Variants in MIR2052HG observed in about 807,000 individuals in gnomAD.
MIR2052HG encodes the protein MIR2052 host gene.
In MIR2052HG at chr8:74,665,138, C is replaced by G. The variant is rs573151819; in HGVS notation, n.217-37241C>G. Reference sequence around the variant, plus strand: ...TGCTTGCTTTCAATCTCTACACTTACCATCTTCTCCAGAACACCGCCATAT... The same window carrying G: ...TGCTTGCTTTCAATCTCTACACTTAGCATCTTCTCCAGAACACCGCCATAT... On this transcript the variant is annotated intron_variant and non_coding_transcript_variant, in intron 2 of 6. Transcript: ENST00000523442. Among the ~76,000 whole-genome samples, 7 of 152,278 alleles carry G rather than the reference C, an allele frequency of 4.6e-5. No individual in the cohort carries two copies. The South Asian group carries it at 1.2e-3, about 27-fold the overall frequency.
intron 1 of MIR2052HG, chr8:74,603,607 T>G: frequency 6.6e-7 from 1 of 1,522,128 alleles, no homozygotes; most frequent in Non-Finnish European, 9.1e-7. Flanking sequence ...CATTGCCAAC[T>G]GGTGCAGCAT....
In MIR2052HG at chr8:74,750,916, G is replaced by A. The variant is rs62521645; in HGVS notation, n.372-1525G>A. On this transcript the variant is annotated intron_variant and non_coding_transcript_variant, in intron 4 of 6. Transcript: ENST00000523442. ...CACTATATTTACTATCTCTATAGAGGGGATGAAGGACAGATAATTTTTCTG... is the reference window on the plus strand; with the variant it reads ...CACTATATTTACTATCTCTATAGAGAGGATGAAGGACAGATAATTTTTCTG... 3.1e-3 allele frequency among the ~76,000 whole-genome samples: 476 copies of A among 152,184 alleles called. 1 individual carries two copies. The highest frequency in any genetic ancestry group is 4.6e-3 in the Non-Finnish European group (315 of 68,004).
intron 2 of MIR2052HG, among the ~76,000 whole-genome samples, chr8:74,654,485 G>T (rs1808783740): frequency 6.6e-6 from 1 of 152,230 alleles, no homozygotes; most frequent in Non-Finnish European, 1.5e-5. Context: ...TGAGGTAATT[G>T]GATCATGGGG....
chr8:74,676,555 G>C (rs1374121210), intron 2 of MIR2052HG, among the ~76,000 whole-genome samples: 3 of 151,548 alleles, frequency 2.0e-5, no homozygotes, highest in Non-Finnish European at 3.0e-5. Flanking sequence ...AAATACAAGA[G>C]AGAAGAAAAA....
chr8:74,700,078 G>T (rs920240671), intron 2 of MIR2052HG, among the ~76,000 whole-genome samples: 2 of 152,094 alleles, frequency 1.3e-5, no homozygotes, highest in African/African-American at 4.8e-5. Flanking sequence ...TTACCAATGA[G>T]AGAACCGAAG....
At chr8:74,649,601 T>G (rs2128736003) in intron 2 of MIR2052HG, among the ~76,000 whole-genome samples, 1 of 152,282 alleles carries the variant, frequency 6.6e-6, no homozygotes, top group East Asian at 1.9e-4. Flanking sequence ...TACTTTAATT[T>G]TATGCATTTG....
intron 1 of MIR2052HG, among the ~76,000 whole-genome samples, chr8:74,604,755 G>A (rs1451951290): frequency 6.6e-6 from 1 of 151,470 alleles, no homozygotes; most frequent in Non-Finnish European, 1.5e-5. Flanking sequence ...CACCATGCCT[G>A]GCTAATTTTT....
At chr8:74,671,810 A>G (rs572113879) in intron 2 of MIR2052HG, among the ~76,000 whole-genome samples, 9 of 152,242 alleles carry the variant, frequency 5.9e-5, no homozygotes, top group African/African-American at 1.9e-4. Flanking sequence ...ACTAAGGTTG[A>G]ATTTTATCAT....
At chr8:74,726,487 A>G (rs981684183) in intron 4 of MIR2052HG, among the ~76,000 whole-genome samples, 1 of 152,210 alleles carries the variant, frequency 6.6e-6, no homozygotes, top group Non-Finnish European at 1.5e-5. Flanking sequence ...TCTCCTTTCC[A>G]AGAGAGGTCT....
chr8:74,756,482 C>T (rs1810001250), intron 5 of MIR2052HG: 1 of 152,338 alleles, frequency 6.6e-6, no homozygotes, highest in South Asian at 2.1e-4. Flanking sequence ...CTTTATGATA[C>T]CACAGCCCTC....
rs189883620 is a variant in MIR2052HG, at chr8:74,749,668, G to A, written n.372-2773G>A. 5.2e-3 allele frequency among the ~76,000 whole-genome samples: 793 copies of A among 152,064 alleles called. 4 individuals carry two copies. The highest frequency in any genetic ancestry group is 0.016 in the African/African-American group (650 of 41,452). On this transcript the variant is annotated intron_variant and non_coding_transcript_variant, in intron 4 of 6. Coordinates refer to ENST00000523442, the Ensembl canonical transcript of MIR2052HG. Reference sequence around the variant, plus strand: ...GCACGAGACCAGCCTGACCAACATGGTGAAACCCTGCCTCCACTAAAAATA... The same window carrying A: ...GCACGAGACCAGCCTGACCAACATGATGAAACCCTGCCTCCACTAAAAATA...
chr8:74,743,687 A>G (rs1215850696), intron 4 of MIR2052HG, among the ~76,000 whole-genome samples: 1 of 152,188 alleles, frequency 6.6e-6, no homozygotes, highest in African/African-American at 2.4e-5. Context: ...TTGCTGATGT[A>G]GGCTCTACAT....
At chr8:74,611,573 C>T (rs1808196080) in intron 1 of MIR2052HG, among the ~76,000 whole-genome samples, 1 of 152,124 alleles carries the variant, frequency 6.6e-6, no homozygotes, top group Admixed American at 6.5e-5. Context: ...CTTTAATAAT[C>T]TTGCTTCAGA....
chr8:74,731,612 C>T (rs1809693216), intron 4 of MIR2052HG, among the ~76,000 whole-genome samples: 1 of 152,080 alleles, frequency 6.6e-6, no homozygotes, highest in South Asian at 2.1e-4. Context: ...AAATAGTCTT[C>T]TAGACTATTT....
At chr8:74,685,099 T>C (rs968284575) in intron 2 of MIR2052HG, among the ~76,000 whole-genome samples, 10 of 152,134 alleles carry the variant, frequency 6.6e-5, no homozygotes, top group African/African-American at 1.4e-4. Flanking sequence ...TAAACAGTTA[T>C]GTGAAAGTTT....
intron 2 of MIR2052HG, among the ~76,000 whole-genome samples, chr8:74,623,690 G>A: frequency 6.6e-6 from 1 of 152,122 alleles, no homozygotes; most frequent in East Asian, 1.9e-4. Flanking sequence ...AGTAACCAAA[G>A]ACTTGAGAAG....
At chr8:74,652,146 A>T (rs1211779697) in intron 2 of MIR2052HG, among the ~76,000 whole-genome samples, 1 of 152,140 alleles carries the variant, frequency 6.6e-6, no homozygotes, top group East Asian at 1.9e-4. Flanking sequence ...TTGCTAAAAT[A>T]TTTCACATTA....
At chr8:74,712,231 A>T (rs1809475089) in intron 4 of MIR2052HG, among the ~76,000 whole-genome samples, 1 of 152,184 alleles carries the variant, frequency 6.6e-6, no homozygotes, top group Admixed American at 6.5e-5. Flanking sequence ...AACACATGTA[A>T]AGTATGTAGA....
intron 4 of MIR2052HG, among the ~76,000 whole-genome samples, chr8:74,731,422 A>G (rs1341326392): frequency 6.6e-6 from 1 of 152,154 alleles, no homozygotes; most frequent in Non-Finnish European, 1.5e-5. Context: ...CTCAACTAGC[A>G]TTATTACCTA....
Sources: allele counts gnomAD v4.1 joint callset (sites outside exome capture counted in the v4.1 genomes callset), GRCh38; gene constraint gnomAD v4.1.1; transcripts MANE v1.5; gene names NCBI Gene and HGNC (gene_info 2026-07-23, HGNC 2026-07-21).